Variants in NRG1 observed in about 807,000 individuals in gnomAD.
NRG1 encodes pro-neuregulin-1, membrane-bound isoform.
In NRG1, 18 loss-of-function variants were observed where a neutral mutation model predicts 63.8. The observed-to-expected ratio is 0.28, with a 90% CI of 0.19 to 0.42. NRG1 has a LOEUF of 0.42. Among genes scored for constraint, NRG1 ranks in the 10% least tolerant of loss-of-function variants. The pLI, the probability that NRG1 is intolerant of heterozygous loss-of-function variation, is 1.00. For missense variants in NRG1, 762 were observed against 814.7 expected (o/e 0.94, Z 0.79); for synonymous variants, 302 against 301.3 (o/e 1.00, Z -0.02).
Position 31,808,674 on chromosome 8 carries a change from A to C in NRG1, c.37+169243A>C, listed in dbSNP as rs929751478. ...TGAGACCTGTGAGTAAAAATATTTT[A>C]TATTAATACCTAGACTTATAAATCA... On this transcript the variant is annotated intron_variant, in intron 1 of 10. Transcript: ENST00000519301. Among the ~76,000 whole-genome samples, 33 of 152,058 alleles carry C rather than the reference A, an allele frequency of 2.2e-4. 1 individual carries two copies. The highest frequency in any genetic ancestry group is 7.0e-4 in the African/African-American group (29 of 41,454).
chr8:31,700,231 T>C (rs945558261), intron 1 of NRG1, among the ~76,000 whole-genome samples: 8 of 152,142 alleles, frequency 5.3e-5, no homozygotes, highest in Admixed American at 6.5e-5. Flanking sequence ...CAGCTTTTAC[T>C]CTCTGGGTCA....
At chr8:32,613,480 G>A (rs1240416175) in intron 3 of NRG1, among the ~76,000 whole-genome samples, 1 of 151,828 alleles carries the variant, frequency 6.6e-6, no homozygotes, top group African/African-American at 2.4e-5. Context: ...GGCCATATCT[G>A]TATTTAAAGA....
intron 1 of NRG1, among the ~76,000 whole-genome samples, chr8:31,664,020 T>C (rs1806276393): frequency 6.6e-6 from 1 of 152,134 alleles, no homozygotes; most frequent in South Asian, 2.1e-4. Flanking sequence ...TAATTACTGG[T>C]ATTCTCTGGT....
chr8:31,862,909 G>A (rs552019802), intron 1 of NRG1, among the ~76,000 whole-genome samples: 11 of 152,260 alleles, frequency 7.2e-5, no homozygotes, highest in South Asian at 2.1e-4. Context: ...GCATCCTCCC[G>A]AGCCATATTG....
At chr8:32,087,559 CTCCCG>C (rs1828431161) in intron 1 of NRG1, among the ~76,000 whole-genome samples, 4 of 139,876 alleles carry the variant, frequency 2.9e-5, no homozygotes, top group Non-Finnish European at 6.0e-5. Flanking sequence ...CAACCTTCGC[CTCCCG>C]GGTTCAAGCA....
chr8:32,248,716 T>C (rs1464604423), intron 1 of NRG1, among the ~76,000 whole-genome samples: 2 of 152,094 alleles, frequency 1.3e-5, no homozygotes, highest in Admixed American at 1.3e-4. Context: ...TTTTCTATTG[T>C]ATTAAACATT....
intron 1 of NRG1, among the ~76,000 whole-genome samples, chr8:31,949,090 A>C (rs1043489237): frequency 6.6e-6 from 1 of 152,214 alleles, no homozygotes; most frequent in Admixed American, 6.5e-5. Flanking sequence ...TAGATCTAAA[A>C]AAGTTTTATC....
chr8:32,248,631 G>A (rs1848806761), intron 1 of NRG1, among the ~76,000 whole-genome samples: 1 of 151,968 alleles, frequency 6.6e-6, no homozygotes, highest in South Asian at 2.1e-4. Context: ...TCTTCAGGCT[G>A]ACATGCTCCA....
chr8:32,596,415 C>G (rs1277984213), intron 2 of NRG1, among the ~76,000 whole-genome samples: 2 of 151,958 alleles, frequency 1.3e-5, no homozygotes, highest in Non-Finnish European at 2.9e-5. Context: ...ACCAGCCTGG[C>G]CAACATGGTG....
chr8:31,639,348 C>T (rs1356958012), exon 1 of NRG1: 8 of 1,532,652 alleles, frequency 5.2e-6, no homozygotes, highest in Non-Finnish European at 7.0e-6. Flanking sequence ...GGGACGGGGA[C>T]GCCCAGGAGG....
chr8:31,750,970 G>A (rs1429580896), intron 1 of NRG1, among the ~76,000 whole-genome samples: 1 of 151,992 alleles, frequency 6.6e-6, no homozygotes, highest in Non-Finnish European at 1.5e-5. Flanking sequence ...TAATTCAGAA[G>A]TGGAATTCAT....
At chr8:32,147,479 C>T (rs370844325) in intron 1 of NRG1, among the ~76,000 whole-genome samples, 63 of 152,276 alleles carry the variant, frequency 4.1e-4, no homozygotes, top group South Asian at 1.9e-3. Context: ...ATTACCATAA[C>T]GTATAAATGA....
At chr8:32,337,497 T>C (rs1803424671) in intron 1 of NRG1, among the ~76,000 whole-genome samples, 1 of 151,660 alleles carries the variant, frequency 6.6e-6, no homozygotes. Flanking sequence ...TCAGAGGAAT[T>C]CAGACTTAAA....
intron 1 of NRG1, among the ~76,000 whole-genome samples, chr8:31,915,663 T>C (rs904375237): frequency 1.3e-5 from 2 of 152,154 alleles, no homozygotes; most frequent in Non-Finnish European, 2.9e-5. Flanking sequence ...TATAAATATA[T>C]GCTCATTTTA....
intron 1 of NRG1, among the ~76,000 whole-genome samples, chr8:31,717,985 C>T (rs1253852259): frequency 1.3e-5 from 2 of 152,062 alleles, no homozygotes; most frequent in Admixed American, 1.3e-4. Flanking sequence ...AGACATAATT[C>T]TATATTCTAG....
chr8:32,657,381 G>T lies in NRG1; in HGVS notation c.502+40496G>T, dbSNP rs192216465. ...CCCCACCTATTCCTTCTTCTCCAGCGATCTCAGGGCACATGGCTCCACACT... is the reference window on the plus strand; with the variant it reads ...CCCCACCTATTCCTTCTTCTCCAGCTATCTCAGGGCACATGGCTCCACACT... On this transcript the variant is annotated intron_variant, in intron 5 of 11. Coordinates refer to ENST00000356819, the Ensembl canonical transcript of NRG1. Among the ~76,000 whole-genome samples, 134 of 151,412 alleles carry T rather than the reference G, an allele frequency of 8.9e-4. 1 individual carries two copies. Among genetic ancestry groups the T allele is most frequent in the African/African-American group, 3.1e-3 (129 of 41,218 alleles).
intron 1 of NRG1, among the ~76,000 whole-genome samples, chr8:32,485,544 T>G (rs191144834): frequency 6.6e-6 from 1 of 152,344 alleles, no homozygotes; most frequent in African/African-American, 2.4e-5. Flanking sequence ...CCTGTCTTTT[T>G]TATTTCATAT....
At chr8:32,545,762 C>A (rs939089049), upstream of NRG1, among the ~76,000 whole-genome samples, 3 of 151,912 alleles carry the variant, frequency 2.0e-5, no homozygotes, top group East Asian at 1.9e-4. Context: ...AGAAAAAAAC[C>A]TTTTTGGACT....
intron 1 of NRG1, among the ~76,000 whole-genome samples, chr8:32,361,510 C>T (rs1388389401): frequency 6.6e-6 from 1 of 152,128 alleles, no homozygotes; most frequent in Non-Finnish European, 1.5e-5. Flanking sequence ...GAAAACATTA[C>T]TTCCTCACTT....
Sources: allele counts gnomAD v4.1 joint callset (sites outside exome capture counted in the v4.1 genomes callset), GRCh38; gene constraint gnomAD v4.1.1; transcripts MANE v1.5; gene names NCBI Gene and HGNC (gene_info 2026-07-23, HGNC 2026-07-21).